Variants in TIMELESS observed in about 807,000 individuals in gnomAD.
The protein encoded by TIMELESS is protein timeless homolog.
Under a neutral mutation model 164.3 loss-of-function variants are expected in TIMELESS, and 124 were observed. The ratio of observed to expected loss-of-function variants is 0.75; its 90% confidence interval spans 0.65 to 0.88. The LOEUF (loss-of-function observed/expected upper bound fraction) is 0.88. TIMELESS is among the 40% of genes least tolerant of loss of function. TIMELESS has a pLI of 0.00. For missense variants in TIMELESS, 1,422 were observed against 1,491.4 expected (o/e 0.95, Z 0.77); for synonymous variants, 564 against 563.4 (o/e 1.00, Z -0.02).
intron 1 of TIMELESS, among the ~76,000 whole-genome samples, chr12:56,436,757 A>C (rs1396650691): frequency 1.3e-5 from 2 of 152,174 alleles, no homozygotes; most frequent in Non-Finnish European, 2.9e-5. Flanking sequence ...ACGGATGGAA[A>C]TGTCATCATA....
At chr12:56,442,615 A>G (rs1184148488) in intron 1 of TIMELESS, among the ~76,000 whole-genome samples, 1 of 152,144 alleles carries the variant, frequency 6.6e-6, no homozygotes, top group Admixed American at 6.6e-5. Context: ...TCACCCTGCA[A>G]AAGACCATAC....
At chr12:56,419,597 G>C (rs1047802490) in intron 26 of TIMELESS, among the ~76,000 whole-genome samples, 1 of 151,902 alleles carries the variant, frequency 6.6e-6, no homozygotes, top group Non-Finnish European at 1.5e-5. Context: ...CGGTGTGTGA[G>C]TGGTGTGGCT....
intron 26 of TIMELESS, among the ~76,000 whole-genome samples, chr12:56,419,427 A>T (rs1039249776): frequency 6.6e-6 from 1 of 150,816 alleles, no homozygotes; most frequent in African/African-American, 2.4e-5. Flanking sequence ...ACTCTTGAAG[A>T]CTGGGTAGAG....
At chr12:56,429,667 A>AT (rs5798377) in intron 10 of TIMELESS, among the ~76,000 whole-genome samples, 3 of 137,628 alleles carry the variant, frequency 2.2e-5, no homozygotes, top group African/African-American at 5.5e-5. Context: ...ATGCCGGCTA[A>AT]TTTTTTTTTT....
chr12:56,437,042 G>A (rs1281790355), intron 1 of TIMELESS, among the ~76,000 whole-genome samples: 1 of 150,932 alleles, frequency 6.6e-6, no homozygotes, highest in African/African-American at 2.4e-5. Flanking sequence ...GTGATTCTTT[G>A]CCTCAGCCTC....
chr12:56,436,285 C>T (rs1056822703), intron 1 of TIMELESS, among the ~76,000 whole-genome samples: 2 of 151,998 alleles, frequency 1.3e-5, no homozygotes, highest in African/African-American at 4.8e-5. Context: ...GAAACACTGT[C>T]TCTACTAAAA....
At chr12:56,422,812 T>TA in intron 19 of TIMELESS, 35 bp downstream of exon 19, 64 of 811,904 alleles carry the variant, frequency 7.9e-5, no homozygotes, top group Non-Finnish European at 1.2e-4. Flanking sequence ...AAACTTCCCC[T>TA]ACCCCCACCC....
In TIMELESS at chr12:56,423,238, A is replaced by G. The variant is rs745734322; in HGVS notation, c.2292+36T>C. 8.1e-6 allele frequency: 13 copies of G among 1,610,150 alleles called. No individual in the cohort carries two copies. The South Asian group carries it at 1.2e-4, about 15-fold the overall frequency. On this transcript the variant is annotated intron_variant, in intron 18 of 28. Transcript: ENST00000553532. Reference sequence around the variant, plus strand: ...TATTTATTTACCTGAGGGTTCCCATACCCTTCCAGAACCCCATTCCTTGTT... The same window carrying G: ...TATTTATTTACCTGAGGGTTCCCATGCCCTTCCAGAACCCCATTCCTTGTT...
At chr12:56,432,817 C>T (rs538186661) in intron 6 of TIMELESS, among the ~76,000 whole-genome samples, 3 of 151,718 alleles carry the variant, frequency 2.0e-5, no homozygotes, top group South Asian at 2.1e-4. Flanking sequence ...GGCATGGTGG[C>T]GGGCACCTGT....
intron 18 of TIMELESS, 139 bp downstream of exon 18, chr12:56,423,135 A>G (rs1592245149): frequency 1.2e-5 from 17 of 1,391,988 alleles, no homozygotes; most frequent in Non-Finnish European, 1.6e-5. Flanking sequence ...AGCTCCCTCA[A>G]CCTGCCTGTC....
chr12:56,433,207 G>C, intron 5 of TIMELESS, 80 bp from the exon 6 acceptor site: 3 of 1,464,856 alleles, frequency 2.0e-6, no homozygotes, highest in Non-Finnish European at 2.9e-6. Context: ...CCCAGGCATA[G>C]AAGAGAAGCA....
intron 27 of TIMELESS, 27 bp downstream of exon 27, chr12:56,418,107 C>T: frequency 6.2e-7 from 1 of 1,613,608 alleles, no homozygotes; most frequent in African/African-American, 1.3e-5. Context: ...CACGTTAATA[C>T]TCAGAAGATG....
intron 26 of TIMELESS, among the ~76,000 whole-genome samples, chr12:56,418,687 C>T (rs939643800): frequency 6.6e-6 from 1 of 151,866 alleles, no homozygotes; most frequent in Middle Eastern, 3.4e-3. Context: ...AAGCTATCCT[C>T]CTGCCTCAGC....
chr12:56,418,877 A>G (rs982600325), intron 26 of TIMELESS, among the ~76,000 whole-genome samples: 4 of 151,528 alleles, frequency 2.6e-5, no homozygotes, highest in Non-Finnish European at 2.9e-5. Flanking sequence ...ATAGTTGTCA[A>G]TTGAATAAAT....
chr12:56,445,722 C>T (rs2136157065), intron 1 of TIMELESS, among the ~76,000 whole-genome samples: 1 of 151,388 alleles, frequency 6.6e-6, no homozygotes, highest in Admixed American at 6.6e-5. Context: ...AAGAGCGAAA[C>T]TCTGTCTCAA....
Position 56,432,482 on chromosome 12 carries a change from C to T in TIMELESS, c.574G>A (p.Ala192Thr), listed in dbSNP as rs1172392015. 3.7e-6 allele frequency: 6 copies of T among 1,614,014 alleles called. No homozygotes were observed. Among genetic ancestry groups the T allele is most frequent in the Non-Finnish European group, 4.2e-6 (5 of 1,180,026 alleles). ...TCATCCAGGCCGCTGAGGTGAATCG[C>T]CCAGAGGAGCTGGTCATGGGCACTG... is the stretch of plus-strand genomic sequence containing the variant. ...DASAHDQLLW[A>T]IHLSGLDDLL... The change falls in exon 7 of 29, where the codon GCG becomes ACG. Residue 192 changes from alanine to threonine, a missense_variant. Coordinates refer to ENST00000553532, the MANE Select transcript of TIMELESS (RefSeq NM_003920.5).
At chr12:56,431,295 A>G (rs1592250749) in intron 8 of TIMELESS, among the ~76,000 whole-genome samples, 176 bp downstream of exon 8, 1 of 150,260 alleles carries the variant, frequency 6.7e-6, no homozygotes. Flanking sequence ...CAGAGGTTGC[A>G]GTGAGCAGAG....
At chr12:56,419,752 C>A (rs1002098568) in intron 26 of TIMELESS, among the ~76,000 whole-genome samples, 1 of 151,544 alleles carries the variant, frequency 6.6e-6, no homozygotes, top group Non-Finnish European at 1.5e-5. Context: ...GGATTCAAAC[C>A]ACTGTAGATC....
At chr12:56,420,070 G>A (rs1213507175) in intron 26 of TIMELESS, among the ~76,000 whole-genome samples, 90 of 96,788 alleles carry the variant, frequency 9.3e-4, no homozygotes, top group African/African-American at 3.1e-3. Context: ...GTGTGTGTGT[G>A]TATATATATA....
Sources: gnomAD v4.1 joint callset for allele counts (sites outside exome capture counted in the v4.1 genomes callset) on GRCh38, gnomAD v4.1.1 for gene constraint, MANE v1.5 for transcripts, NCBI Gene and HGNC (gene_info 2026-07-23, HGNC 2026-07-21) for gene names.